Variants in BMPER observed in about 807,000 individuals in gnomAD.
BMPER encodes BMP-binding endothelial regulator protein.
In BMPER, 45 loss-of-function variants were observed where a neutral mutation model predicts 87.3. That is an observed-to-expected ratio of 0.52 (90% CI 0.41 to 0.66). The LOEUF is 0.66. Among genes scored for constraint, BMPER ranks in the 30% least tolerant of loss-of-function variants. The probability of loss-of-function intolerance (pLI) is 0.00; values close to 1 mark genes in which losing one functional copy is unlikely to be tolerated. For missense variants in BMPER, 784 were observed against 867.5 expected (o/e 0.90, Z 1.21); for synonymous variants, 326 against 316.2 (o/e 1.03, Z -0.33).
intron 6 of BMPER, among the ~76,000 whole-genome samples, chr7:34,000,298 AAG>A (rs978704790): frequency 6.6e-6 from 1 of 152,176 alleles, no homozygotes; most frequent in Non-Finnish European, 1.5e-5. Context: ...AAAAGAAAAA[AAG>A]AAATTTGGAC....
chr7:33,913,944 G>A (rs893273365), intron 2 of BMPER, among the ~76,000 whole-genome samples: 1 of 150,814 alleles, frequency 6.6e-6, no homozygotes, highest in Non-Finnish European at 1.5e-5. Context: ...AGTAATGTAT[G>A]CTCAGTTTTA....
intron 13 of BMPER, among the ~76,000 whole-genome samples, chr7:34,112,582 A>T (rs1041523881): frequency 6.6e-6 from 1 of 151,198 alleles, no homozygotes; most frequent in Non-Finnish European, 1.5e-5. Flanking sequence ...TTTGAGGTAT[A>T]CGTGCATATG....
At position 34,143,302 on chromosome 7, in the gene BMPER, C is replaced by A. The variant is rs138797097; in HGVS notation, c.1818C>A (p.Thr606=). 2,938 of 1,613,896 alleles carry A rather than the reference C, an allele frequency of 1.8e-3. 2 individuals are homozygous for A. Among genetic ancestry groups the A allele is most frequent in the Non-Finnish European group, 2.4e-3 (2,849 of 1,179,936 alleles). The change falls in exon 14 of 15, where the codon ACC becomes ACA. Residue 606 remains threonine (T), a synonymous_variant. Transcript: ENST00000649409. The part of the protein sequence containing the change: ...NCYCESFLAY[T]RACQREGIKV... ...ATTGCGAGTCATTTTTGGCATATAC[C>A]CGGGCCTGCCAGAGAGAGGGCATCA...
intron 2 of BMPER, among the ~76,000 whole-genome samples, chr7:33,911,582 G>C (rs1302564206): frequency 6.6e-5 from 10 of 152,156 alleles, no homozygotes. Context: ...ATGGGTTTTG[G>C]CTGGCATCAT....
chr7:34,082,328 G>GT (rs55748957), intron 12 of BMPER, among the ~76,000 whole-genome samples: 6,904 of 116,368 alleles, frequency 0.059, 638 homozygotes, highest in African/African-American at 0.19. Flanking sequence ...CAACTTATTA[G>GT]TTTTTTTTTT....
At chr7:34,028,768 T>C (rs1787445374) in intron 6 of BMPER, among the ~76,000 whole-genome samples, 2 of 151,842 alleles carry the variant, frequency 1.3e-5, no homozygotes, top group African/African-American at 4.8e-5. Context: ...CCGTGGGTTC[T>C]ACTCACCTGA....
intron 13 of BMPER, among the ~76,000 whole-genome samples, chr7:34,119,609 C>T (rs1056843992): frequency 5.9e-5 from 9 of 151,928 alleles, no homozygotes; most frequent in Non-Finnish European, 1.0e-4. Flanking sequence ...CTGGACCAGA[C>T]AGTAACAACA....
At chr7:33,960,845 T>TA (rs1033837478) in intron 3 of BMPER, among the ~76,000 whole-genome samples, 1 of 152,190 alleles carries the variant, frequency 6.6e-6, no homozygotes, top group Non-Finnish European at 1.5e-5. Flanking sequence ...TAGTATTTTT[T>TA]ACCAATGAAA....
Position 34,153,424 on chromosome 7 carries a change from A to G in BMPER, c.*151A>G, listed in dbSNP as rs1413813259. On this transcript the variant is annotated 3_prime_UTR_variant, in exon 15 of 15. Coordinates refer to ENST00000649409, the MANE Select transcript of BMPER (RefSeq NM_001365308.1). ...TATATATATATAGATATATTCAAAA[A>G]CATTGCATCATTTATATGAACTATA... 2.7e-6 allele frequency: 2 copies of G among 751,376 alleles called. No homozygotes were observed. Among genetic ancestry groups the G allele is most frequent in the African/African-American group, 1.8e-5 (1 of 56,544 alleles). 46.5% of individuals were successfully genotyped at this position (751,376 alleles called of 1,614,324 possible).
At chr7:33,974,421 C>T (rs1785628371) in intron 5 of BMPER, among the ~76,000 whole-genome samples, 1 of 152,104 alleles carries the variant, frequency 6.6e-6, no homozygotes, top group African/African-American at 2.4e-5. Context: ...CCATGCAGCT[C>T]CCGGACCCCA....
intron 7 of BMPER, among the ~76,000 whole-genome samples, chr7:34,051,012 G>A (rs1033052105): frequency 2.0e-5 from 3 of 152,152 alleles, no homozygotes; most frequent in Non-Finnish European, 4.4e-5. Context: ...TCTGTAGCTT[G>A]TAAACAACAG....
chr7:33,996,515 CA>C (rs1232028737), intron 6 of BMPER, among the ~76,000 whole-genome samples: 2 of 152,132 alleles, frequency 1.3e-5, no homozygotes, highest in Non-Finnish European at 2.9e-5. Flanking sequence ...GAAGGCTATG[CA>C]TAGGGAGATA....
At chr7:33,905,180 G>C (rs2128599701), upstream of BMPER, 3 of 263,868 alleles carry the variant, frequency 1.1e-5, no homozygotes, top group African/African-American at 4.6e-5. Context: ...CTGCGGCAGC[G>C]ACAGCGACAG....
At chr7:34,024,012 C>T (rs1390550369) in intron 6 of BMPER, among the ~76,000 whole-genome samples, 3 of 151,786 alleles carry the variant, frequency 2.0e-5, no homozygotes, top group Non-Finnish European at 2.9e-5. Context: ...ATCTTACTAC[C>T]ATAGCTTAAT....
intron 11 of BMPER, among the ~76,000 whole-genome samples, chr7:34,070,816 C>CTTTTTT (rs60588204): frequency 8.4e-6 from 1 of 119,502 alleles, no homozygotes. Context: ...AGCGGCAGAG[C>CTTTTTT]TTTTTTTTTT....
At chr7:34,077,915 TA>T (rs1788907831) in intron 11 of BMPER, among the ~76,000 whole-genome samples, 1 of 150,516 alleles carries the variant, frequency 6.6e-6, no homozygotes, top group South Asian at 2.1e-4. Context: ...TTGTGCTTTT[TA>T]TTTTTTTTTT....
chr7:34,011,583 C>CAAAAAAAAAAAAAA (rs36022297), intron 6 of BMPER, among the ~76,000 whole-genome samples: 308 of 45,102 alleles, frequency 6.8e-3, no homozygotes, highest in Middle Eastern at 0.013. Flanking sequence ...TTGGTCAGGG[C>CAAAAAAAAAAAAAA]AAAAAAAAAA....
At position 33,956,414 on chromosome 7, in the gene BMPER, A is replaced by G. The variant is rs1307526413; in HGVS notation, c.320-10065A>G. Among the ~76,000 whole-genome samples, 3 of 152,220 alleles carry G rather than the reference A, an allele frequency of 2.0e-5. No individual in the cohort carries two copies. The East Asian group carries it at 5.8e-4, about 29-fold the overall frequency. On this transcript the variant is annotated intron_variant, in intron 3 of 14. Transcript: ENST00000649409. ...ATCAGGAAAATGCAGTTAAAACTACAATAAAATATTAATTCACCTATCAAT... is the reference window on the plus strand; with the variant it reads ...ATCAGGAAAATGCAGTTAAAACTACGATAAAATATTAATTCACCTATCAAT...
chr7:34,115,331 G>A (rs1235443678), intron 13 of BMPER, among the ~76,000 whole-genome samples: 2 of 152,144 alleles, frequency 1.3e-5, no homozygotes, highest in Non-Finnish European at 2.9e-5. Flanking sequence ...AAACACTAGT[G>A]TTATTTAGAT....
Sources: allele counts gnomAD v4.1 joint callset (sites outside exome capture counted in the v4.1 genomes callset), GRCh38; gene constraint gnomAD v4.1.1; transcripts MANE v1.5; gene names NCBI Gene and HGNC (gene_info 2026-07-23, HGNC 2026-07-21).